The following LRMDA variants were observed in gnomAD, a reference collection of about 807,000 sequenced individuals.
LRMDA encodes the protein leucine-rich melanocyte differentiation-associated protein.
LRMDA carries 18 observed loss-of-function variants against 29.8 expected under a neutral mutation model. That is an observed-to-expected ratio of 0.60 (90% CI 0.42 to 0.90). The LOEUF (loss-of-function observed/expected upper bound fraction) is 0.90. LRMDA is among the 40% of genes least tolerant of loss of function. The pLI, the probability that LRMDA is intolerant of heterozygous loss-of-function variation, is 0.00. For synonymous variants in LRMDA, 125 were observed against 109.4 expected (o/e 1.14, Z -0.89); for missense variants, 273 against 273.9 (o/e 1.00, Z 0.02).
intron 5 of LRMDA, among the ~76,000 whole-genome samples, chr10:76,113,833 G>A (rs1362357409): frequency 6.6e-6 from 1 of 152,186 alleles, no homozygotes; most frequent in Admixed American, 6.5e-5. Context: ...GGGGTCTCTG[G>A]CTGTCAAGAA....
At chr10:75,916,186 GTGTGTGT>G (rs386745450) in intron 2 of LRMDA, among the ~76,000 whole-genome samples, 5 of 134,680 alleles carry the variant, frequency 3.7e-5, no homozygotes, top group Non-Finnish European at 8.0e-5. Flanking sequence ...GTGTGTGTGT[GTGTGTGT>G]GTGGGTGGGT....
At chr10:75,789,342 A>G (rs1257716397) in intron 2 of LRMDA, among the ~76,000 whole-genome samples, 1 of 152,244 alleles carries the variant, frequency 6.6e-6, no homozygotes, top group Non-Finnish European at 1.5e-5. Context: ...TCATGGAAAG[A>G]TACACATGTG....
chr10:75,968,295 C>T (rs1439535189), intron 2 of LRMDA, among the ~76,000 whole-genome samples: 2 of 152,052 alleles, frequency 1.3e-5, no homozygotes, highest in African/African-American at 4.8e-5. Context: ...TGTGCCCCAG[C>T]AGCATGGAAA....
chr10:75,861,717 T>C (rs905832652), intron 2 of LRMDA, among the ~76,000 whole-genome samples: 3 of 152,238 alleles, frequency 2.0e-5, no homozygotes, highest in Middle Eastern at 3.2e-3. Context: ...GTGCTAGTTA[T>C]GGTGGATTCT....
chr10:75,546,662 G>A (rs1166382492), intron 2 of LRMDA, among the ~76,000 whole-genome samples: 1 of 152,148 alleles, frequency 6.6e-6, no homozygotes, highest in Non-Finnish European at 1.5e-5. Context: ...GGAATTATAA[G>A]CAAGGCAAAA....
chr10:75,657,795 G>A (rs16932504), intron 2 of LRMDA, among the ~76,000 whole-genome samples: 2,118 of 152,212 alleles, frequency 0.014, 57 homozygotes, highest in African/African-American at 0.048. Flanking sequence ...TCGGTGCAGG[G>A]TAACGGGTCC....
chr10:76,326,261 T>G (rs2132400384), intron 6 of LRMDA, among the ~76,000 whole-genome samples: 1 of 152,318 alleles, frequency 6.6e-6, no homozygotes, highest in South Asian at 2.1e-4. Flanking sequence ...ACTAATATAT[T>G]TCAGCTTAGC....
chr10:76,352,806 G>T (rs912251937), intron 6 of LRMDA, among the ~76,000 whole-genome samples: 1 of 152,022 alleles, frequency 6.6e-6, no homozygotes, highest in Non-Finnish European at 1.5e-5. Flanking sequence ...AGTGGTTGTG[G>T]ATGGAATCAG....
chr10:76,382,474 G>A (rs1841604855), intron 6 of LRMDA, among the ~76,000 whole-genome samples: 2 of 152,312 alleles, frequency 1.3e-5, no homozygotes, highest in Admixed American at 1.3e-4. Flanking sequence ...ATGAGAACCT[G>A]CTGAAAGGGA....
At chr10:75,964,344 G>A (rs1846820097) in intron 2 of LRMDA, among the ~76,000 whole-genome samples, 1 of 152,068 alleles carries the variant, frequency 6.6e-6, no homozygotes, top group South Asian at 2.1e-4. Flanking sequence ...GGGGGGTCAA[G>A]GTAGACAGGA....
chr10:75,804,856 C>T (rs761873233), intron 2 of LRMDA, among the ~76,000 whole-genome samples: 1 of 152,174 alleles, frequency 6.6e-6, no homozygotes, highest in African/African-American at 2.4e-5. Context: ...TTTCCCTGTG[C>T]ATGAGAGGAG....
chr10:76,211,099 G>A (rs1851626311), intron 5 of LRMDA, among the ~76,000 whole-genome samples: 1 of 152,114 alleles, frequency 6.6e-6, no homozygotes, highest in Non-Finnish European at 1.5e-5. Context: ...TTACTCATCT[G>A]CTTTTCTAGC....
chr10:75,520,443 A>G (rs1845343281), intron 2 of LRMDA, among the ~76,000 whole-genome samples: 1 of 152,080 alleles, frequency 6.6e-6, no homozygotes, highest in South Asian at 2.1e-4. Context: ...TCAATCACTG[A>G]TATTTTTTCT....
At chr10:76,212,218 G>T (rs1374774011) in intron 5 of LRMDA, among the ~76,000 whole-genome samples, 2 of 145,658 alleles carry the variant, frequency 1.4e-5, no homozygotes, top group Non-Finnish European at 3.0e-5. Flanking sequence ...TTTTCTTTTT[G>T]TATGGTGTGA....
At chr10:75,990,553 C>T (rs1037281107) in intron 2 of LRMDA, among the ~76,000 whole-genome samples, 3 of 152,112 alleles carry the variant, frequency 2.0e-5, no homozygotes, top group African/African-American at 7.2e-5. Flanking sequence ...TATGGTAAAC[C>T]CCTTTATAAT....
At chr10:76,214,326 C>A (rs527890852) in intron 5 of LRMDA, among the ~76,000 whole-genome samples, 3 of 145,046 alleles carry the variant, frequency 2.1e-5, no homozygotes, top group African/African-American at 5.4e-5. Flanking sequence ...GTCACTTGAA[C>A]CAAATTTTTT....
chr10:75,719,558 CAGG>C (rs1295121308), intron 2 of LRMDA, among the ~76,000 whole-genome samples: 21 of 152,172 alleles, frequency 1.4e-4, no homozygotes, highest in Admixed American at 1.4e-3. Flanking sequence ...AACTTTTGAA[CAGG>C]AAAGAGGTTA....
At chr10:75,771,746 T>G (rs1843243944) in intron 2 of LRMDA, among the ~76,000 whole-genome samples, 1 of 151,998 alleles carries the variant, frequency 6.6e-6, no homozygotes, top group Non-Finnish European at 1.5e-5. Flanking sequence ...TTTTTGAGAA[T>G]CAGGTGTGGC....
At chr10:76,450,193 A>G (rs1023320769) in intron 6 of LRMDA, among the ~76,000 whole-genome samples, 1 of 152,080 alleles carries the variant, frequency 6.6e-6, no homozygotes, top group Non-Finnish European at 1.5e-5. Context: ...CAACCTTTTT[A>G]CATGAACAAC....
Sources: gnomAD v4.1 joint callset for allele counts (sites outside exome capture counted in the v4.1 genomes callset) on GRCh38, gnomAD v4.1.1 for gene constraint, MANE v1.5 for transcripts, NCBI Gene and HGNC (gene_info 2026-07-23, HGNC 2026-07-21) for gene names.